Variants in MILR1 observed in about 807,000 individuals in gnomAD.
MILR1 encodes allergin-1.
In MILR1, 31 loss-of-function variants were observed where a neutral mutation model predicts 18.5. The ratio of observed to expected loss-of-function variants is 1.68; its 90% confidence interval spans 1.26 to 2.26. The LOEUF (loss-of-function observed/expected upper bound fraction) is 2.26, where lower values mean the gene tolerates loss of function less well. MILR1 is among the 30% of genes most tolerant of loss of function. The probability of loss-of-function intolerance (pLI) is 0.00; values close to 1 mark genes in which losing one functional copy is unlikely to be tolerated. For synonymous variants in MILR1, 85 were observed against 56.2 expected (o/e 1.51, Z -2.30); for missense variants, 257 against 157.4 (o/e 1.63, Z -3.38).
At chr17:64,457,268 G>A (rs894108880) in intron 3 of MILR1, 132 bp from the exon 4 acceptor site, 5 of 400,480 alleles carry the variant, frequency 1.2e-5, no homozygotes, top group African/African-American at 1.0e-4. Context: ...TGAGCTTCTT[G>A]ACTTCTCAGG....
downstream of MILR1, among the ~76,000 whole-genome samples, chr17:64,468,904 G>A (rs1320939249): frequency 4.6e-5 from 7 of 151,864 alleles, no homozygotes; most frequent in Non-Finnish European, 7.4e-5. Flanking sequence ...GGCCAACATG[G>A]TGAAACCCCG....
At chr17:64,490,497 TGTTCATTTGAA>T in the MILR1 span, 1 of 376,566 alleles carries the variant, frequency 2.7e-6, no homozygotes, top group South Asian at 2.4e-5. Context: ...CAAGAGGAAT[TGTTCATTTGAA>T]GGAGTGTAAA....
At chr17:64,490,658 G>A in the MILR1 span, 1 of 699,918 alleles carries the variant, frequency 1.4e-6, no homozygotes, top group East Asian at 2.7e-5. Context: ...TTGTAGTTAT[G>A]TAGGTGAGTG....
chr17:64,466,963 C>T (rs1399007526), intron 8 of MILR1, among the ~76,000 whole-genome samples: 1 of 151,918 alleles, frequency 6.6e-6, no homozygotes, highest in African/African-American at 2.4e-5. Context: ...CTCCCTCCCT[C>T]CCTCTCTCTC....
the MILR1 span, chr17:64,493,011 T>C: frequency 3.1e-6 from 5 of 1,614,168 alleles, no homozygotes; most frequent in Non-Finnish European, 4.2e-6. Flanking sequence ...TAACATAGTG[T>C]TCCAAGGCAC....
At chr17:64,460,560 G>T (rs1194433990) in intron 4 of MILR1, among the ~76,000 whole-genome samples, 1 of 152,012 alleles carries the variant, frequency 6.6e-6, no homozygotes, top group Admixed American at 6.6e-5. Flanking sequence ...TGCCCAGGCC[G>T]GTCTCAAACT....
At chr17:64,494,991 G>A in the MILR1 span, among the ~76,000 whole-genome samples, 1 of 151,596 alleles carries the variant, frequency 6.6e-6, no homozygotes, top group Admixed American at 6.6e-5. Context: ...GGCTAACAAG[G>A]TGAAACCCCG....
the MILR1 span, chr17:64,492,629 T>C: frequency 2.6e-6 from 3 of 1,170,660 alleles, no homozygotes; most frequent in East Asian, 2.4e-5. Flanking sequence ...AGACAATTTA[T>C]GTATTAACTA....
At position 64,465,853 on chromosome 17, in the gene MILR1, C is replaced by T. The variant is rs182406748; in HGVS notation, c.853+312C>T. ...TTTCACATCTGTTCAGAATGATCCA[C>T]ACTGTGTTTCACAGTCTTTCACGGT... On this transcript the variant is annotated intron_variant, in intron 6 of 9. Coordinates refer to ENST00000619286, the MANE Select transcript of MILR1 (RefSeq NM_001085423.2). 3.7e-3 allele frequency among the ~76,000 whole-genome samples: 560 copies of T among 152,238 alleles called. 4 individuals are homozygous for T. Among genetic ancestry groups the T allele is most frequent in the Admixed American group, 0.011 (169 of 15,272 alleles).
the MILR1 span, chr17:64,485,733 T>A: frequency 6.2e-7 from 1 of 1,612,428 alleles, no homozygotes; most frequent in Non-Finnish European, 8.5e-7. Context: ...AGCACCTTTC[T>A]ATGAAGATTT....
intron 5 of MILR1, among the ~76,000 whole-genome samples, 163 bp from the exon 6 acceptor site, chr17:64,465,288 TC>T (rs2037528157): frequency 6.6e-6 from 1 of 152,200 alleles, no homozygotes; most frequent in African/African-American, 2.4e-5. Context: ...GTGTCTAGAC[TC>T]CCTGTTGAGT....
chr17:64,472,728 C>A (rs1405754176), downstream of MILR1, among the ~76,000 whole-genome samples: 1 of 152,106 alleles, frequency 6.6e-6, no homozygotes, highest in Non-Finnish European at 1.5e-5. Flanking sequence ...ATCCCACACA[C>A]CCTAGGCGTG....
At chr17:64,472,578 C>G (rs1340099742), downstream of MILR1, among the ~76,000 whole-genome samples, 2 of 149,324 alleles carry the variant, frequency 1.3e-5, no homozygotes, top group Non-Finnish European at 1.5e-5. Flanking sequence ...AATGGGGTCC[C>G]AAAAAACTAT....
the MILR1 span, among the ~76,000 whole-genome samples, chr17:64,489,363 A>T: frequency 3.2e-3 from 465 of 147,290 alleles, 1 homozygote; most frequent in African/African-American, 0.011. Flanking sequence ...TTTTTTTTTA[A>T]AAAAAAAAAA....
chr17:64,457,874 C>T (rs1270343391), intron 4 of MILR1, among the ~76,000 whole-genome samples, 190 bp downstream of exon 4: 2 of 152,112 alleles, frequency 1.3e-5, no homozygotes, highest in Non-Finnish European at 2.9e-5. Context: ...AATCCCAGCA[C>T]TTTGGAAGGT....
chr17:64,485,727 CCTTT>C, the MILR1 span: 2 of 1,611,530 alleles, frequency 1.2e-6, no homozygotes, highest in South Asian at 2.2e-5. Flanking sequence ...ATCAACAGCA[CCTTT>C]CTATGAAGAT....
chr17:64,492,727 C>A, the MILR1 span: 2 of 1,613,220 alleles, frequency 1.2e-6, no homozygotes, highest in East Asian at 2.2e-5. Flanking sequence ...TTGAAGTTCT[C>A]GGAGGAGTAA....
intron 6 of MILR1, among the ~76,000 whole-genome samples, chr17:64,466,090 T>C (rs1299022127): frequency 1.3e-5 from 2 of 152,168 alleles, no homozygotes; most frequent in Non-Finnish European, 2.9e-5. Context: ...AAACACATCC[T>C]TCTTCCCAAG....
chr17:64,475,671 A>C, the MILR1 span, among the ~76,000 whole-genome samples: 11 of 151,394 alleles, frequency 7.3e-5, no homozygotes, highest in Non-Finnish European at 1.0e-4. Context: ...AAAACAACAA[A>C]AAAAGTACTC....
Sources: allele counts gnomAD v4.1 joint callset (sites outside exome capture counted in the v4.1 genomes callset), GRCh38; gene constraint gnomAD v4.1.1; transcripts MANE v1.5; gene names NCBI Gene and HGNC (gene_info 2026-07-23, HGNC 2026-07-21).